ATRNL1: variants seen among roughly 807,000 people sequenced by gnomAD.
The protein encoded by ATRNL1 is attractin like 1, also known as attractin-like protein 1.
In ATRNL1, 95 loss-of-function variants were observed where a neutral mutation model predicts 182.7. The observed-to-expected ratio is 0.52, with a 90% CI of 0.44 to 0.62. The LOEUF (loss-of-function observed/expected upper bound fraction) is 0.62. ATRNL1 is among the 20% of genes least tolerant of loss of function. The pLI is 0.00. For missense variants in ATRNL1, 1,471 were observed against 1,679.5 expected (o/e 0.88, Z 2.17); for synonymous variants, 576 against 568.3 (o/e 1.01, Z -0.19).
At chr10:115,468,601 G>A (rs1274222012) in intron 23 of ATRNL1, among the ~76,000 whole-genome samples, 1 of 150,840 alleles carries the variant, frequency 6.6e-6, no homozygotes, top group Admixed American at 6.6e-5. Context: ...AACCAATTGA[G>A]CATTTAGCTC....
intron 26 of ATRNL1, among the ~76,000 whole-genome samples, chr10:115,630,278 G>C (rs1858397884): frequency 6.6e-6 from 1 of 152,006 alleles, no homozygotes; most frequent in Non-Finnish European, 1.5e-5. Context: ...ACATTACCAA[G>C]CATCAGGGAA....
chr10:115,932,126 C>G (rs1367572467), intron 28 of ATRNL1, among the ~76,000 whole-genome samples: 1 of 152,070 alleles, frequency 6.6e-6, no homozygotes, highest in Non-Finnish European at 1.5e-5. Flanking sequence ...CACCATGATA[C>G]TTTTTTCACT....
intron 25 of ATRNL1, among the ~76,000 whole-genome samples, chr10:115,547,991 A>G (rs780875667): frequency 8.5e-5 from 13 of 152,216 alleles, no homozygotes; most frequent in Non-Finnish European, 1.6e-4. Context: ...GAGAATGGAT[A>G]TGGAAACAGA....
At chr10:115,208,143 T>A (rs1848873937) in intron 8 of ATRNL1, among the ~76,000 whole-genome samples, 1 of 152,086 alleles carries the variant, frequency 6.6e-6, no homozygotes, top group Non-Finnish European at 1.5e-5. Flanking sequence ...CATTCATTTA[T>A]AGGCATTCTA....
chr10:115,672,361 T>G (rs534467712), intron 26 of ATRNL1, among the ~76,000 whole-genome samples: 1 of 152,276 alleles, frequency 6.6e-6, no homozygotes, highest in African/African-American at 2.4e-5. Context: ...TTTTTCCAAC[T>G]TATTGTATTC....
intron 28 of ATRNL1, among the ~76,000 whole-genome samples, chr10:115,907,270 G>A (rs1308188755): frequency 2.6e-5 from 4 of 152,228 alleles, no homozygotes; most frequent in Non-Finnish European, 5.9e-5. Flanking sequence ...AAGCTGATGA[G>A]ATTGGTAATA....
Position 115,782,168 on chromosome 10 carries a change from C to G in ATRNL1, c.3903+54813C>G, listed in dbSNP as rs61866708. On this transcript the variant is annotated intron_variant, in intron 27 of 28. Transcript: ENST00000355044. ...TGGTATGTAAGGAGGCCATATGCCA[C>G]AGAGCCCAGATGTTCTTGAACCAGT... is the stretch of plus-strand genomic sequence containing the variant. Among the ~76,000 whole-genome samples the G allele has an allele frequency of 7.3e-3, 1,106 of 152,304 alleles. 6 individuals are homozygous for G. The highest frequency in any genetic ancestry group is 0.013 in the Non-Finnish European group (866 of 68,020).
chr10:115,475,918 G>T (rs1386645499), intron 24 of ATRNL1, among the ~76,000 whole-genome samples: 1 of 151,228 alleles, frequency 6.6e-6, no homozygotes, highest in East Asian at 1.9e-4. Flanking sequence ...TCTACTACAA[G>T]TCATACAAAA....
intron 8 of ATRNL1, among the ~76,000 whole-genome samples, chr10:115,191,141 C>T (rs1166629559): frequency 2.0e-5 from 3 of 152,074 alleles, no homozygotes; most frequent in Non-Finnish European, 2.9e-5. Context: ...AGGTTGCTTT[C>T]GTAGCTTGGC....
intron 1 of ATRNL1, among the ~76,000 whole-genome samples, chr10:115,108,225 C>T (rs1844104788): frequency 6.6e-6 from 1 of 152,290 alleles, no homozygotes; most frequent in Non-Finnish European, 1.5e-5. Context: ...AGTAGCCACG[C>T]AGCTCTTTCA....
chr10:115,770,700 A>T (rs1423968764), intron 27 of ATRNL1, among the ~76,000 whole-genome samples: 3 of 152,318 alleles, frequency 2.0e-5, no homozygotes, highest in Middle Eastern at 3.4e-3. Flanking sequence ...TAAAATGGTT[A>T]GCTTCAAATT....
intron 8 of ATRNL1, among the ~76,000 whole-genome samples, chr10:115,189,002 A>G (rs1554889321): frequency 1.3e-5 from 2 of 152,186 alleles, no homozygotes; most frequent in African/African-American, 2.4e-5. Flanking sequence ...AAAATGAAAC[A>G]GTATCAATAT....
intron 27 of ATRNL1, among the ~76,000 whole-genome samples, chr10:115,787,298 G>C (rs4447088): frequency 0.21 from 31,578 of 152,038 alleles, 3,567 homozygotes; most frequent in South Asian, 0.3. Flanking sequence ...CTTGAGAGTA[G>C]AGATTTGCAA....
rs1847132498 is a variant in ATRNL1, at chr10:115,448,710, A to C, written c.3323-13231A>C. 2.0e-5 allele frequency among the ~76,000 whole-genome samples: 3 copies of C among 152,218 alleles called. No homozygotes were observed. In the South Asian group the frequency reaches 6.2e-4, roughly 32 times the overall value. On this transcript the variant is annotated intron_variant, in intron 21 of 28. Transcript: ENST00000355044. ...GAAGGAAATCAAGACGCACACAAAA[A>C]AAAAACATTTAAAAGATAAACAAAT...
intron 28 of ATRNL1, among the ~76,000 whole-genome samples, chr10:115,896,905 C>T (rs1380127715): frequency 6.6e-6 from 1 of 152,090 alleles, no homozygotes. Context: ...TTTTTACAAA[C>T]TTGTAATAGG....
At chr10:115,772,552 G>GTA (rs1192600854) in intron 27 of ATRNL1, among the ~76,000 whole-genome samples, 65 of 147,254 alleles carry the variant, frequency 4.4e-4, no homozygotes, top group African/African-American at 1.1e-3. Flanking sequence ...TCAATATTCT[G>GTA]TATATATATA....
intron 19 of ATRNL1, among the ~76,000 whole-genome samples, chr10:115,389,544 A>AGATATATATATATG (rs1843876131): frequency 9.6e-5 from 1 of 10,432 alleles, no homozygotes; most frequent in African/African-American, 4.8e-4. Context: ...GTATGTGTAT[A>AGATATATATATATG]TATATATATA....
chr10:115,915,644 A>T (rs1952828142), intron 28 of ATRNL1, among the ~76,000 whole-genome samples: 1 of 152,210 alleles, frequency 6.6e-6, no homozygotes, highest in Non-Finnish European at 1.5e-5. Flanking sequence ...TTAAATGAAC[A>T]TCTTGCCTTT....
intron 28 of ATRNL1, among the ~76,000 whole-genome samples, chr10:115,934,927 C>A (rs1436073467): frequency 1.3e-5 from 2 of 152,196 alleles, no homozygotes; most frequent in Non-Finnish European, 2.9e-5. Flanking sequence ...AATATCCCTT[C>A]CCTCCATGCT....
Sources: allele counts gnomAD v4.1 joint callset (sites outside exome capture counted in the v4.1 genomes callset), GRCh38; gene constraint gnomAD v4.1.1; transcripts MANE v1.5; gene names NCBI Gene and HGNC (gene_info 2026-07-23, HGNC 2026-07-21).